The following ME3 variants were observed in gnomAD, a reference collection of about 807,000 sequenced individuals.
ME3 encodes malic enzyme 3, also known as NADP-dependent malic enzyme, mitochondrial.
A neutral mutation model predicts 68.9 loss-of-function variants in ME3; 48 were observed. The observed-to-expected ratio is 0.70, with a 90% CI of 0.55 to 0.89. The LOEUF (loss-of-function observed/expected upper bound fraction) is 0.89, where lower values mean the gene tolerates loss of function less well. ME3 is among the 40% of genes least tolerant of loss of function. The pLI is 0.00. For missense variants in ME3, 675 were observed against 797.4 expected (o/e 0.85, Z 1.85); for synonymous variants, 320 against 318.8 (o/e 1.00, Z -0.04).
the ME3 span, chr11:86,435,463 T>C: frequency 2.0e-5 from 3 of 152,366 alleles, no homozygotes; most frequent in Non-Finnish European, 4.4e-5. Flanking sequence ...GGACATTTAC[T>C]GATTCTGGAC....
At chr11:86,459,208 A>T (rs1194347841) in intron 8 of ME3, among the ~76,000 whole-genome samples, 1 of 152,226 alleles carries the variant, frequency 6.6e-6, no homozygotes, top group Admixed American at 6.5e-5. Flanking sequence ...GAAAACTCAC[A>T]GAAGAGTGAC....
At chr11:86,584,968 CTG>C (rs1178216867) in intron 2 of ME3, among the ~76,000 whole-genome samples, 2 of 152,144 alleles carry the variant, frequency 1.3e-5, no homozygotes, top group Non-Finnish European at 2.9e-5. Flanking sequence ...GTGAAAAAAA[CTG>C]TGATAAAGAC....
At chr11:86,670,593 A>G (rs932486603) in intron 2 of ME3, among the ~76,000 whole-genome samples, 6 of 152,174 alleles carry the variant, frequency 3.9e-5, no homozygotes, top group African/African-American at 9.7e-5. Flanking sequence ...CAGGACTCCA[A>G]TGTGATAGAG....
chr11:86,498,842 CATTT>C (rs764443350), intron 5 of ME3, among the ~76,000 whole-genome samples: 4 of 152,154 alleles, frequency 2.6e-5, no homozygotes, highest in Non-Finnish European at 5.9e-5. Context: ...TTTATTCATT[CATTT>C]AATACATATT....
chr11:86,623,724 GC>G (rs1943487492), intron 2 of ME3, among the ~76,000 whole-genome samples: 1 of 152,142 alleles, frequency 6.6e-6, no homozygotes, highest in South Asian at 2.1e-4. Context: ...TTAATCCATG[GC>G]TCAGTCAACC....
At chr11:86,439,709 C>G (rs1948922384), downstream of ME3, among the ~76,000 whole-genome samples, 1 of 152,154 alleles carries the variant, frequency 6.6e-6, no homozygotes, top group African/African-American at 2.4e-5. Context: ...GTTAGTATAG[C>G]TAAAGTTTGT....
At chr11:86,460,979 C>G (rs560818492) in intron 8 of ME3, among the ~76,000 whole-genome samples, 1 of 152,216 alleles carries the variant, frequency 6.6e-6, no homozygotes, top group South Asian at 2.1e-4. Flanking sequence ...GCCTCATCTT[C>G]AGGTCTGCAT....
At chr11:86,487,549 G>C (rs372324328) in intron 6 of ME3, 109 bp from the exon 7 acceptor site, 69 of 850,558 alleles carry the variant, frequency 8.1e-5, no homozygotes, top group Admixed American at 2.0e-4. Flanking sequence ...GGGAGGAGAG[G>C]GGGGAGTAAG....
chr11:86,449,835 T>C, intron 10 of ME3, 54 bp downstream of exon 10: 1 of 1,361,426 alleles, frequency 7.3e-7, no homozygotes, highest in Non-Finnish European at 1.0e-6. Flanking sequence ...TCCAGTCCAG[T>C]TCCTGGGAGC....
At chr11:86,531,826 T>C (rs1955257217) in intron 4 of ME3, among the ~76,000 whole-genome samples, 1 of 58,578 alleles carries the variant, frequency 1.7e-5, no homozygotes, top group Non-Finnish European at 3.3e-5. Context: ...GGGCCTATTT[T>C]TGGGTGGGGG....
At chr11:86,622,527 T>C (rs1943411544) in intron 2 of ME3, among the ~76,000 whole-genome samples, 1 of 152,022 alleles carries the variant, frequency 6.6e-6, no homozygotes, top group South Asian at 2.1e-4. Flanking sequence ...AGCAACTATA[T>C]TTTTATCAAG....
intron 2 of ME3, among the ~76,000 whole-genome samples, chr11:86,587,529 T>C (rs1958810921): frequency 6.6e-6 from 1 of 152,226 alleles, no homozygotes; most frequent in South Asian, 2.1e-4. Flanking sequence ...TAAATTTTAC[T>C]CATCCCTGAG....
At chr11:86,614,595 G>A (rs1230298639) in intron 2 of ME3, among the ~76,000 whole-genome samples, 1 of 152,084 alleles carries the variant, frequency 6.6e-6, no homozygotes, top group Non-Finnish European at 1.5e-5. Context: ...CAAATTCCCA[G>A]GGTGGTGCCT....
At chr11:86,443,032 C>T in intron 13 of ME3, 113 bp from the exon 14 acceptor site, 2 of 722,424 alleles carry the variant, frequency 2.8e-6, no homozygotes, top group Admixed American at 2.6e-5. Flanking sequence ...TCAAACACTG[C>T]AGTTCCAACT....
intron 4 of ME3, among the ~76,000 whole-genome samples, chr11:86,533,613 G>A (rs752951444): frequency 4.6e-5 from 7 of 152,160 alleles, no homozygotes; most frequent in Non-Finnish European, 1.5e-5. Flanking sequence ...CCAAAAAGAG[G>A]AGGAAATACT....
intron 2 of ME3, among the ~76,000 whole-genome samples, chr11:86,632,035 ATTATT>A (rs1251062882): frequency 6.6e-6 from 1 of 152,146 alleles, no homozygotes; most frequent in East Asian, 1.9e-4. Context: ...GCCCAGCCAA[ATTATT>A]TTATTTTACC....
intron 6 of ME3, among the ~76,000 whole-genome samples, chr11:86,496,482 G>C (rs1952343896): frequency 6.6e-6 from 1 of 152,180 alleles, no homozygotes; most frequent in Non-Finnish European, 1.5e-5. Flanking sequence ...CATGTAAAGA[G>C]TCTTGGCAAA....
chr11:86,442,829 C>T, exon 14 of ME3: 2 of 1,610,668 alleles, frequency 1.2e-6, no homozygotes, highest in Non-Finnish European at 1.7e-6. Flanking sequence ...ACTTTGATGG[C>T]AATTCTCAAA....
intron 4 of ME3, among the ~76,000 whole-genome samples, chr11:86,530,974 C>T (rs1432834137): frequency 6.6e-6 from 1 of 152,038 alleles, no homozygotes; most frequent in Admixed American, 6.5e-5. Context: ...AAAGCAATGG[C>T]AACAAAAGCC....
Sources: gnomAD v4.1 joint callset for allele counts (sites outside exome capture counted in the v4.1 genomes callset) on GRCh38, gnomAD v4.1.1 for gene constraint, MANE v1.5 for transcripts, NCBI Gene and HGNC (gene_info 2026-07-23, HGNC 2026-07-21) for gene names.